The following FAR2 variants were observed in gnomAD, a reference collection of about 807,000 sequenced individuals.
The protein encoded by FAR2 is epididymis secretory protein Li 81.
FAR2 carries 19 observed loss-of-function variants against 56.0 expected under a neutral mutation model. That is an observed-to-expected ratio of 0.34 (90% CI 0.24 to 0.50). FAR2 has a LOEUF of 0.50. FAR2 is among the 20% of genes least tolerant of loss of function. FAR2 has a pLI of 0.98. For synonymous variants in FAR2, 219 were observed against 218.8 expected, an observed-to-expected ratio of 1.00 and a Z score of -0.01; for missense variants, 508 against 642.2, an observed-to-expected ratio of 0.79 and a Z score of 2.26.
chr12:29,150,096 G>T (rs553771599), intron 1 of FAR2, among the ~76,000 whole-genome samples: 2 of 152,308 alleles, frequency 1.3e-5, no homozygotes, highest in Admixed American at 1.3e-4. Flanking sequence ...CATCCTGGGG[G>T]TGTGCAGGGG....
At chr12:29,306,491 T>G (rs1949256020) in intron 4 of FAR2, among the ~76,000 whole-genome samples, 1 of 152,218 alleles carries the variant, frequency 6.6e-6, no homozygotes, top group South Asian at 2.1e-4. Flanking sequence ...AGTGAAGATT[T>G]TCTACAATCA....
intron 1 of FAR2, among the ~76,000 whole-genome samples, chr12:29,159,610 A>G (rs938335489): frequency 3.3e-5 from 5 of 151,940 alleles, no homozygotes; most frequent in African/African-American, 1.2e-4. Flanking sequence ...ATTCTTCCCC[A>G]GAAAACAATG....
At chr12:29,266,077 T>TTATATGTACTTTTC (rs1164740519) in intron 1 of FAR2, among the ~76,000 whole-genome samples, 1 of 152,126 alleles carries the variant, frequency 6.6e-6, no homozygotes, top group Non-Finnish European at 1.5e-5. Flanking sequence ...GCATGTACAT[T>TTATATGTACTTTTC]AGTACAATCA....
chr12:29,300,247 C>A (rs1780968145), intron 4 of FAR2, among the ~76,000 whole-genome samples: 1 of 152,140 alleles, frequency 6.6e-6, no homozygotes, highest in African/African-American at 2.4e-5. Context: ...CCACATCTTA[C>A]CCTTGTTTCT....
intron 1 of FAR2, among the ~76,000 whole-genome samples, chr12:29,247,962 G>T (rs1278471455): frequency 6.6e-6 from 1 of 152,154 alleles, no homozygotes; most frequent in Non-Finnish European, 1.5e-5. Context: ...AACCCAAAGG[G>T]AAAATACTTT....
chr12:29,221,357 C>T (rs1479482020), intron 1 of FAR2, among the ~76,000 whole-genome samples: 3 of 152,062 alleles, frequency 2.0e-5, no homozygotes, highest in African/African-American at 4.8e-5. Flanking sequence ...CTGGTCGGGG[C>T]GGGGAGCCTT....
intron 3 of FAR2, among the ~76,000 whole-genome samples, chr12:29,293,771 A>T (rs763869484): frequency 3.9e-5 from 6 of 152,184 alleles, no homozygotes; most frequent in Non-Finnish European, 7.3e-5. Flanking sequence ...TTTGATATCT[A>T]TCATTGTCAA....
chr12:29,229,056 T>C (rs1003610377), intron 1 of FAR2, among the ~76,000 whole-genome samples: 6 of 152,188 alleles, frequency 3.9e-5, no homozygotes, highest in African/African-American at 1.2e-4. Flanking sequence ...TTAAAAGCAT[T>C]TTAATGCAAG....
At chr12:29,293,638 T>G (rs1405421848) in intron 3 of FAR2, 163 bp downstream of exon 3, 1 of 515,748 alleles carries the variant, frequency 1.9e-6, no homozygotes, top group Non-Finnish European at 3.1e-6. Flanking sequence ...TTTACTATTG[T>G]GGAGAATATT....
intron 10 of FAR2, among the ~76,000 whole-genome samples, chr12:29,323,730 AC>A (rs1949593931): frequency 6.6e-6 from 1 of 152,004 alleles, no homozygotes; most frequent in South Asian, 2.1e-4. Flanking sequence ...GGACATCCAC[AC>A]CAAAAACCCA....
intron 1 of FAR2, among the ~76,000 whole-genome samples, chr12:29,261,079 C>T (rs1431401572): frequency 2.6e-5 from 4 of 152,182 alleles, no homozygotes; most frequent in African/African-American, 9.7e-5. Context: ...ATACCTGATG[C>T]TTAAACATCC....
intron 1 of FAR2, among the ~76,000 whole-genome samples, chr12:29,154,460 A>G (rs1949708770): frequency 6.7e-6 from 1 of 149,186 alleles, no homozygotes; most frequent in South Asian, 2.1e-4. Flanking sequence ...TTTGAGACAG[A>G]GTCTCTCTCT....
At chr12:29,277,503 G>A (rs1948719981) in intron 2 of FAR2, 1 of 152,170 alleles carries the variant, frequency 6.6e-6, no homozygotes, top group African/African-American at 2.4e-5. Context: ...GCATGGAATT[G>A]GCCTCACAGA....
chr12:29,242,921 A>T (rs916640730), intron 1 of FAR2, among the ~76,000 whole-genome samples: 2 of 152,218 alleles, frequency 1.3e-5, no homozygotes, highest in African/African-American at 4.8e-5. Context: ...TATAATAGTT[A>T]TGTGGAACTA....
chr12:29,295,758 T>A (rs1163332347), intron 3 of FAR2, among the ~76,000 whole-genome samples: 2 of 61,082 alleles, frequency 3.3e-5, no homozygotes, highest in African/African-American at 5.4e-5. Context: ...TTTACGTAAT[T>A]TTTTTTTTTT....
At chr12:29,325,730 T>A (rs543717336) in intron 10 of FAR2, among the ~76,000 whole-genome samples, 1 of 152,024 alleles carries the variant, frequency 6.6e-6, no homozygotes, top group Non-Finnish European at 1.5e-5. Flanking sequence ...ATACCAGAAT[T>A]TCTGGGACAC....
rs150002870 is a variant in FAR2 at position 29,309,518 on chromosome 12, G to C, written c.768+288G>C. Among the ~76,000 whole-genome samples, 903 of 152,194 alleles carry C rather than the reference G, an allele frequency of 5.9e-3. 4 individuals are homozygous for C. The highest frequency in any genetic ancestry group is 0.027 in the Middle Eastern group (8 of 294). ...ACTTTTCTTTAGTTACCACAAGATG[G>C]GGGTATTTCCTCCTTTTTGCAGTTT... On this transcript the variant is annotated intron_variant, in intron 6 of 11. Transcript: ENST00000536681.
At chr12:29,324,977 C>A (rs1293731612) in intron 10 of FAR2, among the ~76,000 whole-genome samples, 2 of 146,008 alleles carry the variant, frequency 1.4e-5, no homozygotes, top group Non-Finnish European at 3.0e-5. Flanking sequence ...GAGTCAAGAA[C>A]CATCAGTGTG....
intron 1 of FAR2, among the ~76,000 whole-genome samples, chr12:29,152,689 A>G (rs1034425270): frequency 6.6e-6 from 1 of 152,252 alleles, no homozygotes; most frequent in Non-Finnish European, 1.5e-5. Context: ...TAAACTTATG[A>G]CATCATTAGT....
Sources: allele counts gnomAD v4.1 joint callset (sites outside exome capture counted in the v4.1 genomes callset), GRCh38; gene constraint gnomAD v4.1.1; transcripts MANE v1.5; gene names NCBI Gene and HGNC (gene_info 2026-07-23, HGNC 2026-07-21).